Variants in USP47 observed in about 807,000 individuals in gnomAD.
USP47 encodes the protein ubiquitin specific peptidase 47.
A neutral mutation model predicts 165.1 loss-of-function variants in USP47; 35 were observed. The observed-to-expected ratio is 0.21, with a 90% confidence interval of 0.16 to 0.28. USP47 has a LOEUF of 0.28. Ranked by LOEUF, USP47 falls within the 10% of genes least tolerant of loss-of-function variation. The pLI is 1.00. For missense variants in USP47, 1,277 were observed against 1,607.4 expected, an observed-to-expected ratio of 0.79 and a Z score of 3.52; for synonymous variants, 531 against 544.5, an observed-to-expected ratio of 0.98 and a Z score of 0.35.
chr11:11,925,045 G>C (rs7395255), intron 11 of USP47, among the ~76,000 whole-genome samples: 109,181 of 151,604 alleles, frequency 0.72, 40,227 homozygotes, highest in Middle Eastern at 0.9. Context: ...TTCATGAACA[G>C]AGGATGTCTT....
intron 21 of USP47, 86 bp downstream of exon 21, chr11:11,948,206 A>C (rs181508676): frequency 9.7e-6 from 14 of 1,440,320 alleles, no homozygotes; most frequent in Non-Finnish European, 1.3e-5. Context: ...AGTGAGGTGA[A>C]GTAGATAAAC....
chr11:11,851,499 A>G (rs1373032499), intron 1 of USP47, among the ~76,000 whole-genome samples: 2 of 152,176 alleles, frequency 1.3e-5, no homozygotes, highest in African/African-American at 4.8e-5. Flanking sequence ...TTACACAAGA[A>G]TTGCGGAAAG....
At chr11:11,942,263 C>G in intron 19 of USP47, 72 bp from the exon 20 acceptor site, 1 of 1,433,032 alleles carries the variant, frequency 7.0e-7, no homozygotes, top group Non-Finnish European at 9.4e-7. Flanking sequence ...TGTATTGATG[C>G]AATATAATGA....
chr11:11,910,156 T>C (rs961006431), intron 8 of USP47, among the ~76,000 whole-genome samples: 3 of 152,124 alleles, frequency 2.0e-5, no homozygotes, highest in Non-Finnish European at 4.4e-5. Context: ...TTCCTCCCAC[T>C]AAAACAACTG....
At chr11:11,860,962 C>CT (rs1849345953) in intron 1 of USP47, among the ~76,000 whole-genome samples, 1 of 152,160 alleles carries the variant, frequency 6.6e-6, no homozygotes, top group Non-Finnish European at 1.5e-5. Context: ...CAGAAGGCCT[C>CT]TGTTATTTAG....
At chr11:11,877,203 A>G (rs1024963920) in intron 1 of USP47, among the ~76,000 whole-genome samples, 2 of 152,186 alleles carry the variant, frequency 1.3e-5, no homozygotes, top group Non-Finnish European at 2.9e-5. Flanking sequence ...AATTGCAACA[A>G]CAAAAAAATT....
intron 24 of USP47, 183 bp from the exon 25 acceptor site, chr11:11,952,558 G>T (rs1411077892): frequency 5.1e-5 from 24 of 467,334 alleles, no homozygotes; most frequent in Non-Finnish European, 8.5e-5. Flanking sequence ...TCTGAGACTG[G>T]AGAGAAGAGA....
chr11:11,933,902 G>A lies in USP47; in HGVS notation c.1836G>A (p.Lys612=). The change falls in exon 16 of 28, where the codon AAG becomes AAA. Residue 612 remains lysine, a synonymous_variant. Coordinates refer to ENST00000527733, the MANE Select transcript of USP47 (RefSeq NM_001282659.2). ...ATAAATTGGAGGTTCATAAGGATAAGACATTAAAGGAAGCAGTAGAAATGG... is the reference window on the plus strand; with the variant it reads ...ATAAATTGGAGGTTCATAAGGATAAAACATTAAAGGAAGCAGTAGAAATGG... ...MENKLEVHKD[K]TLKEAVEMAY... 1.2e-6 allele frequency: 2 copies of A among 1,609,636 alleles called. No homozygotes were observed. Among genetic ancestry groups the A allele is most frequent in the Non-Finnish European group, 1.7e-6 (2 of 1,177,124 alleles).
chr11:11,919,214 C>T (rs138739506), intron 8 of USP47, among the ~76,000 whole-genome samples: 19 of 152,030 alleles, frequency 1.2e-4, no homozygotes, highest in Middle Eastern at 3.4e-3. Context: ...TTTGCAACTA[C>T]GACCATTAAG....
chr11:11,871,710 C>T (rs1850078041), intron 1 of USP47, among the ~76,000 whole-genome samples: 1 of 152,046 alleles, frequency 6.6e-6, no homozygotes, highest in Non-Finnish European at 1.5e-5. Context: ...GAGTGTCCAG[C>T]TTTCTTCTGC....
chr11:11,869,311 G>A (rs539913781), intron 1 of USP47, among the ~76,000 whole-genome samples: 12 of 148,574 alleles, frequency 8.1e-5, no homozygotes, highest in Admixed American at 5.4e-4. Context: ...GAGTTAGGTT[G>A]AGAATTTTTT....
intron 20 of USP47, among the ~76,000 whole-genome samples, chr11:11,946,211 TACC>T (rs1855828517): frequency 6.6e-6 from 1 of 152,218 alleles, no homozygotes; most frequent in Non-Finnish European, 1.5e-5. Context: ...TAAATACTAT[TACC>T]TGTATTTTAT....
chr11:11,916,791 T>C (rs764992492), intron 8 of USP47, among the ~76,000 whole-genome samples: 66 of 152,056 alleles, frequency 4.3e-4, no homozygotes, highest in Non-Finnish European at 8.7e-4. Flanking sequence ...ATAAGGGAAA[T>C]GTCAAGTCTA....
At position 11,897,758 on chromosome 11, in the gene USP47, A is replaced by G. The variant is rs141699549; in HGVS notation, c.593+65A>G. On this transcript the variant is annotated intron_variant, in intron 5 of 27. Transcript: ENST00000527733. ...AGAATGAAAATATCACTTTTAACAA[A>G]ATTTATCTTCTTGCAGTTATTTTAA... 10,381 of 1,162,870 alleles carry G rather than the reference A, an allele frequency of 8.9e-3. 68 individuals are homozygous for G. Among genetic ancestry groups the G allele is most frequent in the Non-Finnish European group, 0.011 (8,908 of 803,916 alleles). 72.0% of individuals were successfully genotyped at this position (1,162,870 alleles called of 1,614,324 possible). A position where few individuals can be genotyped will look rare whatever the true frequency, so the allele number is the denominator to read the frequency against.
chr11:11,939,134 T>G (rs1564889071), intron 18 of USP47, among the ~76,000 whole-genome samples: 1 of 151,922 alleles, frequency 6.6e-6, no homozygotes, highest in Non-Finnish European at 1.5e-5. Context: ...ATTCAAATTT[T>G]GGGGGGCAAA....
chr11:11,858,208 T>C (rs1849168310), intron 1 of USP47, among the ~76,000 whole-genome samples: 1 of 152,134 alleles, frequency 6.6e-6, no homozygotes, highest in African/African-American at 2.4e-5. Context: ...CAATTCTTTG[T>C]TCAAAACGCC....
At chr11:11,852,855 A>G (rs919848249) in intron 1 of USP47, among the ~76,000 whole-genome samples, 2 of 152,126 alleles carry the variant, frequency 1.3e-5, no homozygotes, top group Non-Finnish European at 2.9e-5. Flanking sequence ...ATTCCACTAC[A>G]TTAGTTGCTG....
At chr11:11,872,854 G>C (rs1457891376) in intron 1 of USP47, among the ~76,000 whole-genome samples, 1 of 152,128 alleles carries the variant, frequency 6.6e-6, no homozygotes, top group Non-Finnish European at 1.5e-5. Flanking sequence ...GTTTGGAGGG[G>C]CTTAAATGCC....
chr11:11,942,456 C>A lies in USP47; in HGVS notation c.2435C>A (p.Ser812Tyr). 1 of 1,613,578 alleles carries A rather than the reference C, an allele frequency of 6.2e-7. No individual in the cohort carries two copies. The highest frequency in any genetic ancestry group is 8.5e-7 in the Non-Finnish European group (1 of 1,179,710). Residue 812 changes from serine (S) to tyrosine (Y), a missense_variant, in exon 20 of 28, where the codon TCC (serine) becomes TAC (tyrosine). Ser to Tyr is a moderately radical substitution (Grantham distance 144, BLOSUM62 -2). Transcript: ENST00000527733. The stretch of plus-strand genomic sequence containing the variant: ...TTATTTGTTTTGCTACCTGAACAAT[C>A]CCCAGTATCTTATTCCAAAAGGACA... ...IRLFVLLPEQ[S>Y]PVSYSKRTAY...
Sources: gnomAD v4.1 joint callset for allele counts (sites outside exome capture counted in the v4.1 genomes callset) on GRCh38, gnomAD v4.1.1 for gene constraint, MANE v1.5 for transcripts, NCBI Gene and HGNC (gene_info 2026-07-23, HGNC 2026-07-21) for gene names.